TRMT9B: variants seen among roughly 807,000 people sequenced by gnomAD.
The protein encoded by TRMT9B is probable tRNA methyltransferase 9B.
TRMT9B carries 16 observed loss-of-function variants against 11.5 expected under a neutral mutation model. The observed-to-expected ratio is 1.39, with a 90% CI of 0.94 to 2.11. TRMT9B has a LOEUF of 2.11. Ranked by LOEUF, TRMT9B falls within the 30% of genes most tolerant of loss-of-function variation. TRMT9B has a pLI of 0.00. For missense variants in TRMT9B, 941 were observed against 553.8 expected, an observed-to-expected ratio of 1.70 and a Z score of -7.02; for synonymous variants, 274 against 192.4, an observed-to-expected ratio of 1.42 and a Z score of -3.51.
intron 1 of TRMT9B, among the ~76,000 whole-genome samples, chr8:12,950,885 C>T (rs773945820): frequency 1.6e-4 from 24 of 152,112 alleles, no homozygotes; most frequent in Non-Finnish European, 2.8e-4. Context: ...ATGAACTCTG[C>T]CCCCTACGCT....
intron 1 of TRMT9B, among the ~76,000 whole-genome samples, chr8:12,981,068 TG>T (rs1297059217): frequency 6.6e-6 from 1 of 151,768 alleles, no homozygotes; most frequent in Non-Finnish European, 1.5e-5. Flanking sequence ...CTGGTGGTTT[TG>T]TTTTTTTGTT....
chr8:12,984,799 A>G (rs1805979851), intron 1 of TRMT9B, among the ~76,000 whole-genome samples: 1 of 152,086 alleles, frequency 6.6e-6, no homozygotes. Flanking sequence ...TCATCTACAA[A>G]ACCAAAATGA....
At chr8:12,946,122 T>A (rs1800253285) in intron 1 of TRMT9B, among the ~76,000 whole-genome samples, 156 bp downstream of exon 1, 1 of 152,228 alleles carries the variant, frequency 6.6e-6, no homozygotes, top group Admixed American at 6.5e-5. Context: ...CAGCAATGAA[T>A]CTTTGTTGAA....
chr8:12,979,423 C>T (rs544254833), intron 1 of TRMT9B, among the ~76,000 whole-genome samples: 3 of 152,184 alleles, frequency 2.0e-5, no homozygotes, highest in Admixed American at 2.0e-4. Flanking sequence ...TTGCAGTGAG[C>T]CAATATCATG....
Position 13,025,898 on chromosome 8 carries a change from C to G in TRMT9B, c.*3854C>G, listed in dbSNP as rs571850773. ...TTTAAGTGACCATCAATTCAATAGG[C>G]AAAAATTTGGAGTAATCCAGAGAAA... On this transcript the variant is annotated 3_prime_UTR_variant, in exon 5 of 5. Transcript: ENST00000524591. 1 of 166,428 alleles carries G rather than the reference C, an allele frequency of 6.0e-6. No homozygotes were observed. The highest frequency in any genetic ancestry group is 2.4e-5 in the African/African-American group (1 of 41,326). 10.3% of individuals were successfully genotyped at this position (166,428 alleles called of 1,614,324 possible).
At chr8:13,007,565 A>G (rs1326903092) in intron 3 of TRMT9B, 1 of 152,196 alleles carries the variant, frequency 6.6e-6, no homozygotes, top group Non-Finnish European at 1.5e-5. Flanking sequence ...GGTATGAGTA[A>G]TGTGGAATCT....
At chr8:13,000,710 G>T (rs145327996) in intron 2 of TRMT9B, among the ~76,000 whole-genome samples, 3 of 152,228 alleles carry the variant, frequency 2.0e-5, no homozygotes, top group African/African-American at 7.2e-5. Context: ...TAGCAATAAA[G>T]GTAAGATATT....
At chr8:12,979,105 C>T (rs1042983200) in intron 1 of TRMT9B, among the ~76,000 whole-genome samples, 1 of 152,144 alleles carries the variant, frequency 6.6e-6, no homozygotes, top group Non-Finnish European at 1.5e-5. Flanking sequence ...TGAGCTCTCT[C>T]CCTCTTACAG....
chr8:12,957,248 C>T lies in TRMT9B; in HGVS notation c.-200+11282C>T, dbSNP rs370497670. ...AGGCAAGAAGTAGCAACTGTCTGGG[C>T]CCATGTCTTTGTCTTCTCTGTTCCC... On this transcript the variant is annotated intron_variant, in intron 1 of 4. Coordinates refer to ENST00000524591, the MANE Select transcript of TRMT9B (RefSeq NM_020844.3). Among the ~76,000 whole-genome samples the T allele has an allele frequency of 4.6e-5, 7 of 152,182 alleles. No homozygotes were observed. The South Asian group carries it at 1.5e-3, about 32-fold the overall frequency.
intron 3 of TRMT9B, chr8:13,011,912 T>C (rs1811678275): frequency 1.0e-6 from 1 of 985,230 alleles, no homozygotes; most frequent in Non-Finnish European, 1.2e-6. Context: ...GTATAAATAA[T>C]AGAAAAGTTG....
In TRMT9B at chr8:13,011,696, G is replaced by C. The variant is rs903642024; in HGVS notation, c.155-988G>C. The C allele has an allele frequency of 8.2e-6, 8 of 978,414 alleles. No individual in the cohort carries two copies. In the African/African-American group the frequency reaches 1.2e-4, roughly 15 times the overall value. The allele number at this position is 978,414 out of a possible 1,614,324, so 60.6% of individuals were successfully genotyped here. ...TAAATATTTGGGCTTTGTAAATCCTGAATTACTTAGGTCTCTGCTACTGGA... is the reference window on the plus strand; with the variant it reads ...TAAATATTTGGGCTTTGTAAATCCTCAATTACTTAGGTCTCTGCTACTGGA... On this transcript the variant is annotated intron_variant, in intron 3 of 4. Coordinates refer to ENST00000524591, the MANE Select transcript of TRMT9B (RefSeq NM_020844.3).
intron 1 of TRMT9B, among the ~76,000 whole-genome samples, chr8:12,975,272 G>T (rs1159425907): frequency 6.6e-6 from 1 of 151,956 alleles, no homozygotes; most frequent in African/African-American, 2.4e-5. Context: ...TAAGCCCATG[G>T]GAATCAAAAT....
intron 1 of TRMT9B, among the ~76,000 whole-genome samples, chr8:12,949,284 C>A (rs560398923): frequency 6.6e-6 from 1 of 151,704 alleles, no homozygotes; most frequent in Non-Finnish European, 1.5e-5. Context: ...AACGTTAAAC[C>A]TCACAAATAA....
intron 3 of TRMT9B, chr8:13,011,647 A>C (rs1365128215): frequency 8.2e-6 from 8 of 978,024 alleles, no homozygotes; most frequent in Middle Eastern, 1.0e-3. Flanking sequence ...CCTCAATCAT[A>C]ACATCAGTAA....
rs570084664 is a variant in TRMT9B at position 12,949,706 on chromosome 8, A to G, written c.-200+3740A>G. Among the ~76,000 whole-genome samples, 12 of 152,288 alleles carry G rather than the reference A, an allele frequency of 7.9e-5. No individual in the cohort carries two copies. The East Asian group carries it at 2.3e-3, about 29-fold the overall frequency. The stretch of plus-strand genomic sequence containing the variant: ...CAGAAAACAAATGCAAATATTTTAC[A>G]TTTGTTTATTATATAAGGGGGTTTC... On this transcript the variant is annotated intron_variant, in intron 1 of 4. Transcript: ENST00000524591.
chr8:12,981,273 C>T (rs544696426), intron 1 of TRMT9B, among the ~76,000 whole-genome samples: 16 of 152,248 alleles, frequency 1.1e-4, no homozygotes, highest in African/African-American at 3.9e-4. Context: ...GGTGCAAAGT[C>T]CTCCTCTCGT....
chr8:13,010,651 G>T, intron 3 of TRMT9B: 1 of 984,600 alleles, frequency 1.0e-6, no homozygotes. Flanking sequence ...CTCTGAACAG[G>T]CCCTCCTCAT....
chr8:12,995,478 T>C (rs1046642679), intron 2 of TRMT9B, among the ~76,000 whole-genome samples: 2 of 152,178 alleles, frequency 1.3e-5, no homozygotes, highest in Non-Finnish European at 2.9e-5. Context: ...TATTCTCCAT[T>C]TCTGGCTTTC....
At chr8:12,987,633 A>G (rs1324331010) in intron 1 of TRMT9B, among the ~76,000 whole-genome samples, 5 of 152,140 alleles carry the variant, frequency 3.3e-5, no homozygotes, top group African/African-American at 9.7e-5. Context: ...TCAAGGCTGC[A>G]GTGAGCTACG....
Sources: gnomAD v4.1 joint callset for allele counts (sites outside exome capture counted in the v4.1 genomes callset) on GRCh38, gnomAD v4.1.1 for gene constraint, MANE v1.5 for transcripts, NCBI Gene and HGNC (gene_info 2026-07-23, HGNC 2026-07-21) for gene names.